The following GABRG2 variants were observed in gnomAD, a reference collection of about 807,000 sequenced individuals.
GABRG2 encodes gamma-aminobutyric acid receptor subunit gamma-2.
A neutral mutation model predicts 56.4 loss-of-function variants in GABRG2; 16 were observed. The observed-to-expected ratio is 0.28, with a 90% CI of 0.19 to 0.43. The LOEUF (loss-of-function observed/expected upper bound fraction) is 0.43, where lower values mean the gene tolerates loss of function less well. Among genes scored for constraint, GABRG2 ranks in the 20% least tolerant of loss-of-function variants. GABRG2 has a pLI of 1.00. For synonymous variants in GABRG2, 208 were observed against 205.5 expected, an observed-to-expected ratio of 1.01 and a Z score of -0.10; for missense variants, 327 against 582.7, an observed-to-expected ratio of 0.56 and a Z score of 4.52.
At chr5:162,089,989 G>T (rs907656463) in intron 1 of GABRG2, among the ~76,000 whole-genome samples, 2 of 152,084 alleles carry the variant, frequency 1.3e-5, no homozygotes, top group African/African-American at 4.8e-5. Context: ...TGTTAAAATT[G>T]TGAGCAACCT....
intron 6 of GABRG2, among the ~76,000 whole-genome samples, chr5:162,141,269 C>A (rs1190327295): frequency 6.6e-6 from 1 of 152,188 alleles, no homozygotes. Flanking sequence ...GATTTCCTGA[C>A]CTCATGATCC....
chr5:162,132,546 A>T (rs1581421138), intron 6 of GABRG2, among the ~76,000 whole-genome samples: 4 of 152,108 alleles, frequency 2.6e-5, no homozygotes, highest in South Asian at 4.1e-4. Context: ...CTCTTACTCA[A>T]AGGAGCATAT....
chr5:162,149,695 C>G, intron 8 of GABRG2: 1 of 516,120 alleles, frequency 1.9e-6, no homozygotes, highest in Non-Finnish European at 3.8e-6. Context: ...CTTACTGCAA[C>G]CTCTGCCTCC....
chr5:162,093,691 A>C (rs1270386089), intron 1 of GABRG2, 137 bp from the exon 2 acceptor site: 8 of 815,838 alleles, frequency 9.8e-6, no homozygotes, highest in Non-Finnish European at 1.6e-5. Context: ...TTTAATTAGC[A>C]CAACCCTCAA....
intron 2 of GABRG2, 117 bp from the exon 3 acceptor site, chr5:162,095,378 A>G (rs1345587232): frequency 1.4e-5 from 10 of 700,280 alleles, no homozygotes; most frequent in Non-Finnish European, 2.3e-5. Flanking sequence ...GTACCAAATT[A>G]GTTGTGAATA....
At chr5:162,105,552 C>T (rs1761747774) in intron 6 of GABRG2, among the ~76,000 whole-genome samples, 1 of 151,248 alleles carries the variant, frequency 6.6e-6, no homozygotes, top group Non-Finnish European at 1.5e-5. Context: ...GCCTCAGCCT[C>T]CCCAGTAGCT....
intron 6 of GABRG2, among the ~76,000 whole-genome samples, chr5:162,108,823 T>C (rs946369673): frequency 6.6e-6 from 1 of 152,104 alleles, no homozygotes; most frequent in Non-Finnish European, 1.5e-5. Context: ...TTCCATTAAC[T>C]CCTCCAAGAG....
chr5:162,107,281 C>G (rs749048672), intron 6 of GABRG2, among the ~76,000 whole-genome samples: 3 of 151,846 alleles, frequency 2.0e-5, no homozygotes, highest in Non-Finnish European at 2.9e-5. Flanking sequence ...AATTGGAAAA[C>G]CAGGACATTT....
At chr5:162,107,628 A>G (rs1392427270) in intron 6 of GABRG2, among the ~76,000 whole-genome samples, 1 of 152,188 alleles carries the variant, frequency 6.6e-6, no homozygotes, top group Non-Finnish European at 1.5e-5. Flanking sequence ...GTGGGTCGAT[A>G]AGATTTGAAG....
chr5:162,140,349 C>A (rs1168597943), intron 6 of GABRG2, among the ~76,000 whole-genome samples: 1 of 152,224 alleles, frequency 6.6e-6, no homozygotes, highest in East Asian at 1.9e-4. Context: ...CATTCAAAAC[C>A]CCACTTAGGA....
rs1753802282 is a variant in GABRG2, at chr5:162,155,417, A to T, written c.*2049A>T. The T allele has an allele frequency of 6.6e-6, 1 of 152,482 alleles. No individual in the cohort carries two copies. The highest frequency in any genetic ancestry group is 6.6e-5 in the Admixed American group (1 of 15,218). The allele number at this position is 152,482 out of a possible 1,614,324, so 9.4% of individuals were successfully genotyped here. A position where few individuals can be genotyped will look rare whatever the true frequency, so the allele number is the denominator to read the frequency against. ...GCAATATGAATATATATTATATATA[A>T]TCTAATACTTATTATAAGCTGCTCC... On this transcript the variant is annotated 3_prime_UTR_variant, in exon 10 of 10. Coordinates refer to ENST00000639213, the MANE Select transcript of GABRG2 (RefSeq NM_198904.4).
intron 1 of GABRG2, among the ~76,000 whole-genome samples, chr5:162,076,666 A>G (rs1378014210): frequency 2.6e-5 from 4 of 152,198 alleles, no homozygotes; most frequent in Non-Finnish European, 4.4e-5. Context: ...TCAACTCATT[A>G]TTCAGAGCAA....
intron 6 of GABRG2, among the ~76,000 whole-genome samples, chr5:162,136,068 G>A (rs1764102158): frequency 6.6e-6 from 1 of 152,144 alleles, no homozygotes. Flanking sequence ...AAAATAATGA[G>A]AATTTTCCCC....
rs574089472 is a variant in GABRG2 at position 162,146,147 on chromosome 5, C to T, written c.923-2961C>T. ...GGTTCTACCATGATAATATGGAAGA[C>T]GCCAGACCCATATCACCTCCCCAGT... On this transcript the variant is annotated intron_variant, in intron 7 of 9. Transcript: ENST00000639213. Among the ~76,000 whole-genome samples the T allele has an allele frequency of 1.6e-4, 25 of 152,068 alleles. 1 individual carries two copies. Among genetic ancestry groups the T allele is most frequent in the Non-Finnish European group, 2.4e-4 (16 of 68,022 alleles).
At chr5:162,142,569 A>G (rs1344985930) in intron 7 of GABRG2, 6 of 388,962 alleles carry the variant, frequency 1.5e-5, no homozygotes, top group South Asian at 4.2e-5. Flanking sequence ...CTATGCAGCC[A>G]TAAAAAATGA....
intron 1 of GABRG2, among the ~76,000 whole-genome samples, chr5:162,082,005 G>C (rs746190357): frequency 6.6e-6 from 1 of 151,774 alleles, no homozygotes; most frequent in Non-Finnish European, 1.5e-5. Context: ...AAATGCTTAC[G>C]TAAAAAATGA....
chr5:162,108,750 A>G (rs1581375241), intron 6 of GABRG2, among the ~76,000 whole-genome samples: 1 of 152,172 alleles, frequency 6.6e-6, no homozygotes, highest in Admixed American at 6.6e-5. Flanking sequence ...TCTGCCTGAC[A>G]AGTGGGAAGG....
chr5:162,106,580 T>G (rs1761845215), intron 6 of GABRG2, among the ~76,000 whole-genome samples: 1 of 152,224 alleles, frequency 6.6e-6, no homozygotes, highest in South Asian at 2.1e-4. Flanking sequence ...GTTTACAAGT[T>G]TCTTGGGAAA....
intron 6 of GABRG2, among the ~76,000 whole-genome samples, chr5:162,109,120 T>A (rs1469495935): frequency 1.3e-5 from 2 of 151,980 alleles, no homozygotes; most frequent in African/African-American, 4.8e-5. Context: ...GAAACCATCA[T>A]TCTCAGCAAA....
Sources: gnomAD v4.1 joint callset for allele counts (sites outside exome capture counted in the v4.1 genomes callset) on GRCh38, gnomAD v4.1.1 for gene constraint, MANE v1.5 for transcripts, NCBI Gene and HGNC (gene_info 2026-07-23, HGNC 2026-07-21) for gene names.